Variants in SESN2 observed in about 807,000 individuals in gnomAD.
SESN2 encodes sestrin 2.
Under a neutral mutation model 56.0 loss-of-function variants are expected in SESN2, and 42 were observed. The observed-to-expected ratio is 0.75, with a 90% confidence interval of 0.59 to 0.97. SESN2 has a LOEUF of 0.97. Ranked by LOEUF, SESN2 falls within the 50% of genes least tolerant of loss-of-function variation. SESN2 has a pLI of 0.00. For synonymous variants in SESN2, 264 were observed against 267.1 expected (o/e 0.99, Z 0.11); for missense variants, 507 against 649.4 (o/e 0.78, Z 2.38).
chr1:28,260,610 G>C (rs931044452), intron 1 of SESN2, among the ~76,000 whole-genome samples: 6 of 152,188 alleles, frequency 3.9e-5, no homozygotes, highest in Non-Finnish European at 5.9e-5. Context: ...AGCCAAGCGC[G>C]GGTTAGGCTG....
At chr1:28,263,027 T>C (rs191899237) in intron 1 of SESN2, among the ~76,000 whole-genome samples, 117 of 152,270 alleles carry the variant, frequency 7.7e-4, no homozygotes, top group African/African-American at 2.8e-3. Flanking sequence ...CCCTCCTCCA[T>C]TCCCTCCATT....
chr1:28,269,197 C>T lies in SESN2; in HGVS notation c.105C>T (p.Ser35=), dbSNP rs1396821008. 1.2e-6 allele frequency: 2 copies of T among 1,612,622 alleles called. No homozygotes were observed. The highest frequency in any genetic ancestry group is 2.2e-5 in the East Asian group (1 of 44,804). Residue 35 remains serine (S), a synonymous_variant, in exon 2 of 10, where the codon AGC becomes AGT. Transcript: ENST00000253063. ...DSGPGEEQRE[S]RARRGPRGPS... is the part of the protein sequence containing the mutation. The stretch of plus-strand genomic sequence containing the variant: ...TTTCCTCCCAGGAGCAGAGGGAGAG[C>T]CGGGCTCGGCGAGGCCCTCGAGGGC...
intron 2 of SESN2, 109 bp from the exon 3 acceptor site, chr1:28,271,565 T>G (rs1395003484): frequency 1.3e-5 from 10 of 746,484 alleles, no homozygotes; most frequent in Non-Finnish European, 2.3e-5. Flanking sequence ...TTGGACACGG[T>G]GGTGGTTTTT....
At chr1:28,269,375 C>G (rs2149037708) in intron 2 of SESN2, 127 bp downstream of exon 2, 1 of 550,358 alleles carries the variant, frequency 1.8e-6, no homozygotes, top group Non-Finnish European at 3.1e-6. Context: ...ATTTCTGATT[C>G]ATTTAATTCA....
At chr1:28,272,898 T>C in intron 5 of SESN2, 105 bp downstream of exon 5, 2 of 654,258 alleles carry the variant, frequency 3.1e-6, no homozygotes, top group Non-Finnish European at 5.3e-6. Flanking sequence ...TACCTGCTGC[T>C]ATGAGAGACC....
chr1:28,274,311 TGCTTGAGCCCAGGA>T (rs1647942350), intron 7 of SESN2, among the ~76,000 whole-genome samples, 153 bp downstream of exon 7: 1 of 152,078 alleles, frequency 6.6e-6, no homozygotes, highest in Non-Finnish European at 1.5e-5. Flanking sequence ...GTGGGAGGAT[TGCTTGAGCCCAGGA>T]GCTTGAGACT....
intron 8 of SESN2, among the ~76,000 whole-genome samples, chr1:28,277,202 T>G (rs1224860345): frequency 9.9e-6 from 1 of 100,864 alleles, no homozygotes; most frequent in Non-Finnish European, 1.9e-5. Context: ...CCACTGCGCC[T>G]GGCTTTTTTT....
At position 28,279,261 on chromosome 1, in the gene SESN2, G is replaced by T. The variant is rs758820573; in HGVS notation, c.1356+20G>T. On this transcript the variant is annotated intron_variant, in intron 9 of 9. Coordinates refer to ENST00000253063, the MANE Select transcript of SESN2 (RefSeq NM_031459.5). Reference sequence around the variant, plus strand: ...GAGAAGGTATGACCTATACAGGCAGGGCAGGATGGAAGTAGACAGGCCAAG... The same window carrying T: ...GAGAAGGTATGACCTATACAGGCAGTGCAGGATGGAAGTAGACAGGCCAAG... 25 of 1,613,514 alleles carry T rather than the reference G, an allele frequency of 1.5e-5. No individual in the cohort carries two copies. Among genetic ancestry groups the T allele is most frequent in the Non-Finnish European group, 1.9e-5 (23 of 1,179,920 alleles).
intron 1 of SESN2, among the ~76,000 whole-genome samples, chr1:28,262,111 C>G (rs528627233): frequency 6.6e-6 from 1 of 152,050 alleles, no homozygotes; most frequent in Non-Finnish European, 1.5e-5. Flanking sequence ...ATTCCTCTCT[C>G]GAGAAAAGAG....
At position 28,273,351 on chromosome 1, in the gene SESN2, C is replaced by G. The variant is rs1161763396; in HGVS notation, c.751-7C>G. 6.3e-7 allele frequency: 1 copy of G among 1,580,238 alleles called. No individual in the cohort carries two copies. The highest frequency in any genetic ancestry group is 8.6e-7 in the Non-Finnish European group (1 of 1,162,692). On this transcript the variant is annotated splice_region_variant and splice_polypyrimidine_tract_variant and intron_variant, in intron 5 of 9. Transcript: ENST00000253063. ...AGTAGCTGGTCACCACGGGGCCTCT[C>G]CTGCAGGGCTTTGAGTCTGCCCGCG...
At chr1:28,276,441 T>C (rs1215356344) in intron 8 of SESN2, among the ~76,000 whole-genome samples, 1 of 152,072 alleles carries the variant, frequency 6.6e-6, no homozygotes, top group Non-Finnish European at 1.5e-5. Flanking sequence ...AATGCACCAC[T>C]GCACTCCAGC....
intron 9 of SESN2, among the ~76,000 whole-genome samples, chr1:28,279,622 T>C (rs1023454405): frequency 2.0e-5 from 3 of 152,060 alleles, no homozygotes; most frequent in Non-Finnish European, 4.4e-5. Flanking sequence ...CTTGGCTCAC[T>C]GCAACTTCCA....
chr1:28,266,010 T>C (rs1647549480), intron 1 of SESN2, among the ~76,000 whole-genome samples: 1 of 152,240 alleles, frequency 6.6e-6, no homozygotes, highest in African/African-American at 2.4e-5. Flanking sequence ...GTTTATCAGA[T>C]TCTGAATTAT....
chr1:28,263,515 C>T (rs1647454807), intron 1 of SESN2, among the ~76,000 whole-genome samples: 1 of 152,202 alleles, frequency 6.6e-6, no homozygotes, highest in African/African-American at 2.4e-5. Context: ...GAAATAGTGT[C>T]TGTTCCTTCC....
chr1:28,269,777 C>T (rs957491930), intron 2 of SESN2, among the ~76,000 whole-genome samples: 3 of 151,540 alleles, frequency 2.0e-5, no homozygotes, highest in Non-Finnish European at 2.9e-5. Context: ...TAGTTTACAA[C>T]GTGTTTTTTT....
chr1:28,263,529 C>A (rs1346506850), intron 1 of SESN2, among the ~76,000 whole-genome samples: 2 of 152,260 alleles, frequency 1.3e-5, no homozygotes, highest in South Asian at 4.1e-4. Flanking sequence ...TCCTTCCCAG[C>A]TGGCAGAGTG....
intron 1 of SESN2, among the ~76,000 whole-genome samples, chr1:28,262,104 CCT>C (rs1043478646): frequency 5.3e-5 from 8 of 151,812 alleles, no homozygotes; most frequent in Admixed American, 3.9e-4. Context: ...TCTGTGTATT[CCT>C]CTCTCGAGAA....
chr1:28,278,154 G>C (rs189915625), intron 8 of SESN2, among the ~76,000 whole-genome samples: 1 of 152,310 alleles, frequency 6.6e-6, no homozygotes, highest in African/African-American at 2.4e-5. Flanking sequence ...TGTAGAATGA[G>C]TACAAGCACC....
At chr1:28,275,978 T>G (rs1016706074) in intron 8 of SESN2, among the ~76,000 whole-genome samples, 6 of 151,890 alleles carry the variant, frequency 4.0e-5, no homozygotes, top group African/African-American at 1.5e-4. Context: ...AAACCCCATA[T>G]CTATGAAAAA....
Sources: allele counts gnomAD v4.1 joint callset (sites outside exome capture counted in the v4.1 genomes callset), GRCh38; gene constraint gnomAD v4.1.1; transcripts MANE v1.5; gene names NCBI Gene and HGNC (gene_info 2026-07-23, HGNC 2026-07-21).